The following NEIL3 variants were observed in gnomAD, a reference collection of about 807,000 sequenced individuals.
NEIL3 encodes the protein nei like DNA glycosylase 3, also known as endonuclease 8-like 3.
In NEIL3, 48 loss-of-function variants were observed where a neutral mutation model predicts 57.5. The observed-to-expected ratio is 0.83, with a 90% CI of 0.66 to 1.06. NEIL3 has a LOEUF of 1.06. NEIL3 is among the 50% of genes least tolerant of loss of function. The pLI, the probability that NEIL3 is intolerant of heterozygous loss-of-function variation, is 0.00. For missense variants in NEIL3, 717 were observed against 739.1 expected, an observed-to-expected ratio of 0.97 and a Z score of 0.35; for synonymous variants, 261 against 253.2, an observed-to-expected ratio of 1.03 and a Z score of -0.29.
At chr4:177,345,704 T>C (rs1173918854) in intron 6 of NEIL3, among the ~76,000 whole-genome samples, 4 of 101,586 alleles carry the variant, frequency 3.9e-5, no homozygotes, top group South Asian at 3.0e-4. Context: ...TTTTTTTTTT[T>C]CTTGAGACAG....
chr4:177,321,372 T>C (rs1005201762), intron 1 of NEIL3, among the ~76,000 whole-genome samples: 2 of 152,186 alleles, frequency 1.3e-5, no homozygotes, highest in South Asian at 2.1e-4. Context: ...TTTTATCTTA[T>C]ATAATAATTA....
At chr4:177,310,493 A>C (rs1734457290) in intron 1 of NEIL3, among the ~76,000 whole-genome samples, 1 of 152,218 alleles carries the variant, frequency 6.6e-6, no homozygotes, top group South Asian at 2.1e-4. Context: ...TCCCATTTTA[A>C]GCTTTTAGCA....
chr4:177,350,791 TG>T (rs2110927153), intron 6 of NEIL3, among the ~76,000 whole-genome samples: 2 of 152,296 alleles, frequency 1.3e-5, no homozygotes, highest in Admixed American at 1.3e-4. Context: ...TACTTCCTAA[TG>T]TGATATCAAA....
At position 177,351,467 on chromosome 4, in the gene NEIL3, G is replaced by A. The variant is rs1293571471; in HGVS notation, c.957G>A (p.Glu319=). The A allele has an allele frequency of 1.9e-6, 3 of 1,613,884 alleles. No individual in the cohort carries two copies. Among genetic ancestry groups the A allele is most frequent in the South Asian group, 1.1e-5 (1 of 91,090 alleles). Residue 319 remains glutamate (E), a synonymous_variant, in exon 7 of 10, where the codon GAG becomes GAA. Transcript: ENST00000264596. The part of the protein sequence containing the change: ...VMDSVARKSE[E]HWTCVVCTLI... ...ACTCCGTGGCTCGGAAGTCGGAAGAGCACTGGACCTGTGTGGTGTGTACTT... is the reference window on the plus strand; with the variant it reads ...ACTCCGTGGCTCGGAAGTCGGAAGAACACTGGACCTGTGTGGTGTGTACTT...
At chr4:177,369,453 A>T in the NEIL3 span, among the ~76,000 whole-genome samples, 2 of 152,154 alleles carry the variant, frequency 1.3e-5, no homozygotes, top group Non-Finnish European at 2.9e-5. Context: ...GGATCCTGGG[A>T]TGGGCCAGTT....
downstream of NEIL3, among the ~76,000 whole-genome samples, chr4:177,363,510 G>A (rs911509836): frequency 6.6e-6 from 1 of 152,170 alleles, no homozygotes; most frequent in Admixed American, 6.5e-5. Context: ...CCAGGAACTG[G>A]ACTGGACAGT....
intron 9 of NEIL3, 63 bp downstream of exon 9, chr4:177,360,740 A>G: frequency 3.2e-6 from 4 of 1,245,714 alleles, no homozygotes; most frequent in Non-Finnish European, 4.4e-6. Flanking sequence ...TTAATGTATA[A>G]CAAATAGCAA....
intron 2 of NEIL3, among the ~76,000 whole-genome samples, chr4:177,334,605 A>G (rs1466604817): frequency 6.6e-6 from 1 of 152,216 alleles, no homozygotes; most frequent in Non-Finnish European, 1.5e-5. Context: ...AAGTTAAATT[A>G]TGGAGTACTT....
chr4:177,322,030 A>C (rs1734694809), intron 1 of NEIL3, among the ~76,000 whole-genome samples: 1 of 152,130 alleles, frequency 6.6e-6, no homozygotes, highest in South Asian at 2.1e-4. Context: ...TTTTGTTTTC[A>C]TATTTTATCA....
At chr4:177,352,106 A>ATT (rs1735364912) in intron 7 of NEIL3, among the ~76,000 whole-genome samples, 1 of 152,240 alleles carries the variant, frequency 6.6e-6, no homozygotes. Context: ...CTCAGAGGAA[A>ATT]CCTGTGATTA....
At chr4:177,331,381 T>C (rs1560911953) in intron 2 of NEIL3, among the ~76,000 whole-genome samples, 1 of 151,916 alleles carries the variant, frequency 6.6e-6, no homozygotes, top group African/African-American at 2.4e-5. Flanking sequence ...GTTTCTCTGC[T>C]GAAATATCAC....
At chr4:177,320,947 T>C (rs951619771) in intron 1 of NEIL3, among the ~76,000 whole-genome samples, 4 of 151,674 alleles carry the variant, frequency 2.6e-5, no homozygotes, top group Non-Finnish European at 5.9e-5. Context: ...AGTGGAAGAA[T>C]AGTGTCTGTC....
intron 1 of NEIL3, among the ~76,000 whole-genome samples, chr4:177,320,468 T>TGCTG (rs551619306): frequency 0.012 from 380 of 31,040 alleles, 18 homozygotes; most frequent in African/African-American, 0.042. Flanking sequence ...ACTGCTGTCT[T>TGCTG]TTTTTTTTTT....
intron 2 of NEIL3, among the ~76,000 whole-genome samples, chr4:177,331,675 A>G (rs1466133046): frequency 2.0e-5 from 3 of 152,166 alleles, no homozygotes; most frequent in Non-Finnish European, 4.4e-5. Context: ...GACATTGTCT[A>G]TAGAAGACAA....
At chr4:177,342,718 A>G (rs761707912) in intron 6 of NEIL3, among the ~76,000 whole-genome samples, 2 of 152,256 alleles carry the variant, frequency 1.3e-5, no homozygotes, top group Non-Finnish European at 2.9e-5. Context: ...TGATTAAACG[A>G]TAAAGCAAAC....
At chr4:177,342,054 T>G (rs1241337179) in intron 6 of NEIL3, among the ~76,000 whole-genome samples, 1 of 152,242 alleles carries the variant, frequency 6.6e-6, no homozygotes, top group Non-Finnish European at 1.5e-5. Flanking sequence ...GACCACTTAC[T>G]AAACCCACGT....
intron 8 of NEIL3, chr4:177,353,963 ACCATGTTGG>A: frequency 4.7e-6 from 2 of 428,360 alleles, no homozygotes; most frequent in Non-Finnish European, 8.4e-6. Context: ...ACGGGGTTTC[ACCATGTTGG>A]CCAGGCTGGT....
chr4:177,350,636 T>C (rs17064673), intron 6 of NEIL3, among the ~76,000 whole-genome samples: 23,224 of 152,156 alleles, frequency 0.15, 2,387 homozygotes, highest in Admixed American at 0.26. Flanking sequence ...GAGTTTTCTG[T>C]GCACATGAAG....
At chr4:177,329,332 C>T (rs1337110510) in intron 2 of NEIL3, among the ~76,000 whole-genome samples, 1 of 151,848 alleles carries the variant, frequency 6.6e-6, no homozygotes, top group Non-Finnish European at 1.5e-5. Flanking sequence ...AAACACAAGA[C>T]CCAACTATAA....
Sources: gnomAD v4.1 joint callset for allele counts (sites outside exome capture counted in the v4.1 genomes callset) on GRCh38, gnomAD v4.1.1 for gene constraint, MANE v1.5 for transcripts, NCBI Gene and HGNC (gene_info 2026-07-23, HGNC 2026-07-21) for gene names.